Variants in LRRTM4 observed in about 807,000 individuals in gnomAD.
LRRTM4 encodes leucine rich repeat transmembrane neuronal 4.
In LRRTM4, 25 loss-of-function variants were observed where a neutral mutation model predicts 47.6. The ratio of observed to expected loss-of-function variants is 0.53; its 90% CI spans 0.38 to 0.73. The LOEUF is 0.73. Among genes scored for constraint, LRRTM4 ranks in the 30% least tolerant of loss-of-function variants. The pLI, the probability that LRRTM4 is intolerant of heterozygous loss-of-function variation, is 0.00. For missense variants in LRRTM4, 638 were observed against 713.4 expected (o/e 0.89, Z 1.20); for synonymous variants, 311 against 269.5 (o/e 1.15, Z -1.51).
intron 3 of LRRTM4, among the ~76,000 whole-genome samples, chr2:76,843,476 T>C (rs780221540): frequency 2.6e-5 from 4 of 152,174 alleles, no homozygotes; most frequent in Non-Finnish European, 5.9e-5. Flanking sequence ...AAAAGGTCAG[T>C]TGCTTCCATG....
At chr2:77,427,960 C>T (rs1401560159) in intron 3 of LRRTM4, among the ~76,000 whole-genome samples, 1 of 152,158 alleles carries the variant, frequency 6.6e-6, no homozygotes, top group Non-Finnish European at 1.5e-5. Flanking sequence ...ATAACTTTCA[C>T]ATGCCCTGGG....
rs150021303 is a variant in LRRTM4 at position 77,044,892 on chromosome 2, T to C, written c.1552-295976A>G. ...ACAGACAAATGTATACATATACATA[T>C]ATATGTGTATGTAGATAGGTGTTTG... On this transcript the variant is annotated intron_variant, in intron 3 of 3. Coordinates refer to ENST00000409884, the MANE Select transcript of LRRTM4 (RefSeq NM_001134745.3). Among the ~76,000 whole-genome samples the C allele has an allele frequency of 3.4e-4, 51 of 151,702 alleles. No individual in the cohort carries two copies. In the East Asian group the frequency reaches 8.8e-3, roughly 26 times the overall value.
chr2:76,900,600 C>T (rs1438361510), intron 3 of LRRTM4, among the ~76,000 whole-genome samples: 2 of 152,130 alleles, frequency 1.3e-5, no homozygotes, highest in South Asian at 4.2e-4. Flanking sequence ...CTGCCCTCTA[C>T]CAAATAATTC....
At chr2:77,396,719 T>C (rs1237101083) in intron 3 of LRRTM4, among the ~76,000 whole-genome samples, 2 of 151,972 alleles carry the variant, frequency 1.3e-5, no homozygotes, top group Non-Finnish European at 2.9e-5. Context: ...AGGCAATATA[T>C]TGGTGAAACC....
intron 3 of LRRTM4, among the ~76,000 whole-genome samples, chr2:77,314,330 T>TA (rs1206894239): frequency 6.6e-6 from 1 of 152,194 alleles, no homozygotes; most frequent in East Asian, 1.9e-4. Flanking sequence ...TTTTCAAAAA[T>TA]AAATATAAGT....
intron 3 of LRRTM4, among the ~76,000 whole-genome samples, chr2:76,839,483 C>A (rs1360114247): frequency 2.0e-5 from 3 of 152,070 alleles, no homozygotes; most frequent in African/African-American, 2.4e-5. Flanking sequence ...CAAGCAATAT[C>A]TTTTCTTTGT....
chr2:77,142,034 C>A (rs1273266047), intron 3 of LRRTM4, among the ~76,000 whole-genome samples: 2 of 152,108 alleles, frequency 1.3e-5, no homozygotes, highest in Non-Finnish European at 2.9e-5. Context: ...ACTGAAAAAT[C>A]TTTAGTTACC....
At chr2:77,468,799 C>T (rs2103987962) in intron 3 of LRRTM4, among the ~76,000 whole-genome samples, 1 of 152,306 alleles carries the variant, frequency 6.6e-6, no homozygotes, top group African/African-American at 2.4e-5. Context: ...TCTACCCCTA[C>T]ACAGGCCATA....
chr2:77,339,226 C>A (rs902545865), intron 3 of LRRTM4, among the ~76,000 whole-genome samples: 1 of 151,938 alleles, frequency 6.6e-6, no homozygotes, highest in Non-Finnish European at 1.5e-5. Flanking sequence ...AACAAACCTG[C>A]ACAAGTACCT....
At chr2:77,111,592 C>G (rs1671251233) in intron 3 of LRRTM4, among the ~76,000 whole-genome samples, 2 of 152,098 alleles carry the variant, frequency 1.3e-5, no homozygotes, top group African/African-American at 4.8e-5. Context: ...CCTGTGCTGT[C>G]CTACCCCATC....
chr2:77,388,530 TGTAA>T (rs1346727534), intron 3 of LRRTM4, among the ~76,000 whole-genome samples: 3 of 152,188 alleles, frequency 2.0e-5, no homozygotes, highest in Admixed American at 6.6e-5. Context: ...TGCAGTTAAA[TGTAA>T]GTGTTTTTGA....
intron 3 of LRRTM4, among the ~76,000 whole-genome samples, chr2:77,012,824 G>C (rs943350410): frequency 6.6e-6 from 1 of 152,132 alleles, no homozygotes; most frequent in Non-Finnish European, 1.5e-5. Flanking sequence ...GGATTGCTTT[G>C]CTGGTTAAGC....
At chr2:77,459,347 T>G (rs1045320575) in intron 3 of LRRTM4, among the ~76,000 whole-genome samples, 2 of 152,120 alleles carry the variant, frequency 1.3e-5, no homozygotes, top group African/African-American at 4.8e-5. Flanking sequence ...TTATTTCAGA[T>G]GTACCCAACA....
At chr2:76,779,938 C>G (rs1674267547) in intron 3 of LRRTM4, among the ~76,000 whole-genome samples, 1 of 151,834 alleles carries the variant, frequency 6.6e-6, no homozygotes, top group African/African-American at 2.4e-5. Flanking sequence ...CCTTCAGGAG[C>G]TCTTGTAAGG....
chr2:76,997,434 T>A (rs1677242032), intron 3 of LRRTM4, among the ~76,000 whole-genome samples: 1 of 152,066 alleles, frequency 6.6e-6, no homozygotes, highest in Non-Finnish European at 1.5e-5. Flanking sequence ...GTCCTCCAGC[T>A]CAGGCCTCAT....
chr2:77,409,625 A>C (rs1017581449), intron 3 of LRRTM4, among the ~76,000 whole-genome samples: 6 of 152,186 alleles, frequency 3.9e-5, no homozygotes, highest in Admixed American at 6.5e-5. Context: ...TTTGAAGTAC[A>C]AATAACTGGC....
chr2:77,115,171 A>G (rs1241878814), intron 3 of LRRTM4, among the ~76,000 whole-genome samples: 1 of 152,140 alleles, frequency 6.6e-6, no homozygotes, highest in Non-Finnish European at 1.5e-5. Context: ...GAATTCAGTG[A>G]TATTTCTCCT....
At chr2:77,021,927 G>A (rs781306654) in intron 3 of LRRTM4, among the ~76,000 whole-genome samples, 11 of 152,060 alleles carry the variant, frequency 7.2e-5, no homozygotes, top group Non-Finnish European at 1.5e-4. Context: ...TAGCTCCCTA[G>A]AATTTGTTCA....
chr2:77,236,508 T>C (rs1675107017), intron 3 of LRRTM4, among the ~76,000 whole-genome samples: 1 of 152,024 alleles, frequency 6.6e-6, no homozygotes, highest in African/African-American at 2.4e-5. Context: ...TTTGGATGCC[T>C]TTTATTTCTT....
Sources: gnomAD v4.1 joint callset for allele counts (sites outside exome capture counted in the v4.1 genomes callset) on GRCh38, gnomAD v4.1.1 for gene constraint, MANE v1.5 for transcripts, NCBI Gene and HGNC (gene_info 2026-07-23, HGNC 2026-07-21) for gene names.